PELI2: variants seen among roughly 807,000 people sequenced by gnomAD.
PELI2 encodes E3 ubiquitin-protein ligase pellino homolog 2.
A neutral mutation model predicts 42.3 loss-of-function variants in PELI2; 23 were observed. The ratio of observed to expected loss-of-function variants is 0.54; its 90% CI spans 0.39 to 0.77. The LOEUF (loss-of-function observed/expected upper bound fraction) is 0.77. Among genes scored for constraint, PELI2 ranks in the 30% least tolerant of loss-of-function variants. The pLI is 0.00. For missense variants in PELI2, 463 were observed against 553.2 expected (o/e 0.84, Z 1.64); for synonymous variants, 245 against 212.2 (o/e 1.15, Z -1.34).
chr14:56,250,605 G>A (rs964886569), intron 2 of PELI2, among the ~76,000 whole-genome samples: 7 of 152,148 alleles, frequency 4.6e-5, no homozygotes, highest in Non-Finnish European at 8.8e-5. Context: ...TGATGTTCGA[G>A]GGCAGGAAGC....
chr14:56,292,427 C>G (rs1042244687), intron 5 of PELI2, among the ~76,000 whole-genome samples: 6 of 152,168 alleles, frequency 3.9e-5, no homozygotes, highest in African/African-American at 1.4e-4. Context: ...CAATTCATGA[C>G]TCATTGGTCC....
chr14:56,278,387 G>A (rs1391429303), intron 2 of PELI2, among the ~76,000 whole-genome samples: 1 of 152,098 alleles, frequency 6.6e-6, no homozygotes, highest in Non-Finnish European at 1.5e-5. Context: ...CACTTAAATT[G>A]AAAATAGTTC....
chr14:56,214,677 G>A (rs1166748787), intron 2 of PELI2, among the ~76,000 whole-genome samples: 1 of 152,168 alleles, frequency 6.6e-6, no homozygotes, highest in Admixed American at 6.5e-5. Context: ...CTAGAGTTTG[G>A]AAGCTGGATG....
intron 1 of PELI2, among the ~76,000 whole-genome samples, chr14:56,122,654 A>AAGG (rs977012223): frequency 2.0e-5 from 3 of 151,936 alleles, no homozygotes; most frequent in African/African-American, 7.3e-5. Flanking sequence ...TCTCTCAACC[A>AAGG]AGGGTTCTTA....
chr14:56,194,645 G>T (rs1164296200), intron 2 of PELI2, among the ~76,000 whole-genome samples: 2 of 152,226 alleles, frequency 1.3e-5, no homozygotes, highest in Non-Finnish European at 2.9e-5. Context: ...CATGAAGCAT[G>T]TCTGCTCAGG....
rs573947385 is a variant in PELI2 at position 56,161,321 on chromosome 14, T to G, written c.78-17014T>G. ...CTGTTTTTTTTTTTTTGGTGGTGGT[T>G]GTTTTTGAAACAGTCTAGCTTTGGT... On this transcript the variant is annotated intron_variant, in intron 1 of 5. Coordinates refer to ENST00000267460, the MANE Select transcript of PELI2 (RefSeq NM_021255.3). Among the ~76,000 whole-genome samples the G allele has an allele frequency of 1.2e-4, 18 of 152,084 alleles. 1 individual carries two copies. The highest frequency in any genetic ancestry group is 2.1e-4 in the South Asian group (1 of 4,806).
chr14:56,175,989 G>A (rs1885364750), intron 1 of PELI2, among the ~76,000 whole-genome samples: 3 of 152,246 alleles, frequency 2.0e-5, no homozygotes, highest in Middle Eastern at 3.4e-3. Flanking sequence ...ACATTTTACA[G>A]CTCTAGCCAG....
rs897453310 is a variant in PELI2, at chr14:56,247,282, C to T, written c.208-32394C>T. ...TCACCCAAGATTTATCGTGTATATTCTTCCGATTATTATTTCAGTCAACTG... is the reference window on the plus strand; with the variant it reads ...TCACCCAAGATTTATCGTGTATATTTTTCCGATTATTATTTCAGTCAACTG... On this transcript the variant is annotated intron_variant, in intron 2 of 5. Coordinates refer to ENST00000267460, the MANE Select transcript of PELI2 (RefSeq NM_021255.3). 4.6e-5 allele frequency among the ~76,000 whole-genome samples: 7 copies of T among 152,306 alleles called. No individual in the cohort carries two copies. The East Asian group carries it at 1.2e-3, about 25-fold the overall frequency.
intron 1 of PELI2, among the ~76,000 whole-genome samples, chr14:56,137,534 TTCTGCTGGAGA>T (rs1198773054): frequency 6.6e-6 from 1 of 152,230 alleles, no homozygotes; most frequent in Non-Finnish European, 1.5e-5. Flanking sequence ...AGTTTGATTC[TTCTGCTGGAGA>T]TCAGGCTCAT....
At chr14:56,232,719 C>T (rs1488935207) in intron 2 of PELI2, among the ~76,000 whole-genome samples, 1 of 144,104 alleles carries the variant, frequency 6.9e-6, no homozygotes, top group Non-Finnish European at 1.5e-5. Flanking sequence ...TGCCCTCTCT[C>T]ACCACTCCTA....
At chr14:56,169,237 G>A (rs150064747) in intron 1 of PELI2, among the ~76,000 whole-genome samples, 12 of 152,232 alleles carry the variant, frequency 7.9e-5, no homozygotes, top group East Asian at 1.9e-4. Context: ...CCAAGCCCAC[G>A]GTCTCTGGGC....
intron 2 of PELI2, among the ~76,000 whole-genome samples, chr14:56,246,480 T>G (rs182578206): frequency 4.6e-5 from 7 of 152,322 alleles, no homozygotes; most frequent in African/African-American, 1.7e-4. Flanking sequence ...TCCTCCTGTG[T>G]TTCCCATGTC....
At chr14:56,276,054 A>G (rs1455034712) in intron 2 of PELI2, among the ~76,000 whole-genome samples, 1 of 152,206 alleles carries the variant, frequency 6.6e-6, no homozygotes, top group Non-Finnish European at 1.5e-5. Context: ...CATTTACTAG[A>G]AACTCTATTT....
At chr14:56,193,045 C>T (rs1291602045) in intron 2 of PELI2, among the ~76,000 whole-genome samples, 1 of 152,214 alleles carries the variant, frequency 6.6e-6, no homozygotes, top group Non-Finnish European at 1.5e-5. Flanking sequence ...CCTTTGCCTT[C>T]AGTAACTCTG....
rs146239626 is a variant in PELI2 at position 56,230,021 on chromosome 14, G to T, written c.208-49655G>T. 4.1e-3 allele frequency among the ~76,000 whole-genome samples: 627 copies of T among 152,286 alleles called. 4 individuals are homozygous for T. Among genetic ancestry groups the T allele is most frequent in the African/African-American group, 0.014 (600 of 41,554 alleles). On this transcript the variant is annotated intron_variant, in intron 2 of 5. Transcript: ENST00000267460. ...GTCAGTGATTGAAGATCAAATGAAT[G>T]AAATGAAGCGAGAAGAAAAGTTTAG...
chr14:56,193,441 T>A (rs1886021407), intron 2 of PELI2, among the ~76,000 whole-genome samples: 2 of 151,996 alleles, frequency 1.3e-5, no homozygotes, highest in South Asian at 4.1e-4. Flanking sequence ...TGCAGGGAAG[T>A]TGGGGAGGGA....
At chr14:56,294,948 T>C (rs1307372744) in intron 5 of PELI2, among the ~76,000 whole-genome samples, 1 of 152,210 alleles carries the variant, frequency 6.6e-6, no homozygotes, top group African/African-American at 2.4e-5. Flanking sequence ...ACCACAGAGC[T>C]ACTAAGTGGT....
In PELI2 at chr14:56,300,822, C is replaced by A. The variant is rs1336801231; in HGVS notation, c.*3656C>A. The A allele has an allele frequency of 6.6e-6, 1 of 152,216 alleles. No individual in the cohort carries two copies. Among genetic ancestry groups the A allele is most frequent in the East Asian group, 1.9e-4 (1 of 5,178 alleles). 9.4% of individuals were successfully genotyped at this position (152,216 alleles called of 1,614,324 possible). A position where few individuals can be genotyped will look rare whatever the true frequency, so the allele number is the denominator to read the frequency against. On this transcript the variant is annotated 3_prime_UTR_variant, in exon 6 of 6. Transcript: ENST00000267460. ...CCTTTGTGGCTTAGGTTATGATGCG[C>A]CTCCTTCTGTGCGACCAATGAGACG...
At chr14:56,291,972 G>C (rs3783683) in intron 5 of PELI2, among the ~76,000 whole-genome samples, 1 of 152,128 alleles carries the variant, frequency 6.6e-6, no homozygotes, top group Middle Eastern at 3.2e-3. Context: ...CTGAGCATTT[G>C]CCTCCCTGGG....
Sources: gnomAD v4.1 joint callset for allele counts (sites outside exome capture counted in the v4.1 genomes callset) on GRCh38, gnomAD v4.1.1 for gene constraint, MANE v1.5 for transcripts, NCBI Gene and HGNC (gene_info 2026-07-23, HGNC 2026-07-21) for gene names.